The following CD163 variants were observed in gnomAD, a reference collection of about 807,000 sequenced individuals.
CD163 encodes scavenger receptor cysteine-rich type 1 protein M130.
Under a neutral mutation model 129.2 loss-of-function variants are expected in CD163, and 64 were observed. That is an observed-to-expected ratio of 0.50 (90% CI 0.41 to 0.61). CD163 has a LOEUF of 0.61. Among genes scored for constraint, CD163 ranks in the 20% least tolerant of loss-of-function variants. The probability of loss-of-function intolerance (pLI) is 0.00; values close to 1 mark genes in which losing one functional copy is unlikely to be tolerated. For synonymous variants in CD163, 446 were observed against 478.5 expected (o/e 0.93, Z 0.89); for missense variants, 1,061 against 1,377.9 (o/e 0.77, Z 3.64).
At chr12:7,480,048 A>T (rs1408941893) in intron 15 of CD163, 135 bp from the exon 16 acceptor site, 1 of 1,556,008 alleles carries the variant, frequency 6.4e-7, no homozygotes, top group African/African-American at 1.4e-5. Context: ...CTTCTCACGT[A>T]ACTGTGAGGC....
chr12:7,483,172 T>C (rs1949187462), intron 12 of CD163, 168 bp from the exon 13 acceptor site: 1 of 792,716 alleles, frequency 1.3e-6, no homozygotes, highest in Non-Finnish European at 2.0e-6. Flanking sequence ...GAATATAGGT[T>C]GTATGTGTCT....
At chr12:7,471,896 A>G (rs904190030) in intron 16 of CD163, 2 of 152,348 alleles carry the variant, frequency 1.3e-5, no homozygotes, top group African/African-American at 4.8e-5. Flanking sequence ...TCGGACAATC[A>G]AGCTTGGTCG....
chr12:7,475,468 A>G (rs988915790), intron 16 of CD163, among the ~76,000 whole-genome samples: 15 of 152,224 alleles, frequency 9.9e-5, no homozygotes, highest in African/African-American at 3.6e-4. Context: ...CATCATATAA[A>G]CAGAACAAAT....
At chr12:7,494,092 T>C (rs956540672) in intron 6 of CD163, among the ~76,000 whole-genome samples, 11 of 152,200 alleles carry the variant, frequency 7.2e-5, no homozygotes, top group Admixed American at 6.5e-4. Flanking sequence ...TATAGATTTG[T>C]TTGTATTTTC....
In CD163 at chr12:7,499,104, C is replaced by T. The variant is rs1949443253; in HGVS notation, c.542G>A (p.Gly181Glu). ...GTTGAAGTTATCATCACACACTGTTCCCCACCGTCCTTGGAATTTGATCTC... is the reference window on the plus strand; with the variant it reads ...GTTGAAGTTATCATCACACACTGTTTCCCACCGTCCTTGGAATTTGATCTC... ...RIEIKFQGRW[G>E]TVCDDNFNID... The change falls in exon 4 of 17, where the codon GGA becomes GAA. Residue 181 changes from glycine (G) to glutamate (E), a missense_variant. Gly to Glu is a moderately conservative substitution (Grantham distance 98). Transcript: ENST00000432237. 8 of 1,614,048 alleles carry T rather than the reference C, an allele frequency of 5.0e-6. No individual in the cohort carries two copies. The highest frequency in any genetic ancestry group is 5.9e-6 in the Non-Finnish European group (7 of 1,179,954).
At chr12:7,502,695 G>T (rs1336737290) in intron 1 of CD163, 131 bp from the exon 2 acceptor site, 1 of 672,638 alleles carries the variant, frequency 1.5e-6, no homozygotes, top group Non-Finnish European at 2.7e-6. Context: ...TAAATTGCAA[G>T]GCAGGCAGAA....
chr12:7,498,124 T>TACACAC (rs571405606), intron 4 of CD163, among the ~76,000 whole-genome samples: 39 of 148,842 alleles, frequency 2.6e-4, no homozygotes, highest in Middle Eastern at 3.4e-3. Flanking sequence ...TTCCTTTATT[T>TACACAC]ACACACACAC....
intron 1 of CD163, chr12:7,502,856 A>T (rs986581986): frequency 1.3e-5 from 7 of 551,188 alleles, no homozygotes; most frequent in Non-Finnish European, 1.9e-5. Context: ...AATGGAAACA[A>T]CATCAATGAA....
At chr12:7,494,742 G>A (rs1443605947) in intron 6 of CD163, among the ~76,000 whole-genome samples, 1 of 152,154 alleles carries the variant, frequency 6.6e-6, no homozygotes. Flanking sequence ...GGAGCTGAAG[G>A]TTATGTCAGT....
In CD163 at chr12:7,482,683, G is replaced by T. The variant is rs1296391490; in HGVS notation, c.3207C>A (p.Phe1069Leu). 2.5e-6 allele frequency: 4 copies of T among 1,613,996 alleles called. No homozygotes were observed. Among genetic ancestry groups the T allele is most frequent in the African/African-American group, 1.3e-5 (1 of 74,918 alleles). Reference protein sequence around the residue: ...VVLLAIFVALFFLTKKRRQRQ... With the variant: ...VVLLAIFVALLFLTKKRRQRQ... The stretch of plus-strand genomic sequence containing the variant: ...TCTGTCTTCGCTTTTTAGTCAAGAA[G>T]AATAATGCGACGAAAATGGCCAACA... Residue 1069 changes from phenylalanine to leucine, a missense_variant, in exon 14 of 17, where the codon TTC becomes TTA. Transcript: ENST00000432237.
chr12:7,485,412 G>C lies in CD163; in HGVS notation c.2463C>G (p.Phe821Leu). The C allele has an allele frequency of 6.2e-7, 1 of 1,609,770 alleles. No homozygotes were observed. The highest frequency in any genetic ancestry group is 8.5e-7 in the Non-Finnish European group (1 of 1,176,782). ...KEDAGVICSEFMSLRLTSEAS... is the reference protein window; with the variant it reads ...KEDAGVICSELMSLRLTSEAS... Reference sequence around the variant, plus strand: ...CTTCACTGGTCAGTCTCAGAGACATGAATTCTGCAGCGAAACATAGAATTA... The same window carrying C: ...CTTCACTGGTCAGTCTCAGAGACATCAATTCTGCAGCGAAACATAGAATTA... Residue 821 changes from phenylalanine (F) to leucine (L), a missense_variant, in exon 11 of 17, where the codon TTC (phenylalanine) becomes TTG (leucine). Coordinates refer to ENST00000432237, the MANE Select transcript of CD163 (RefSeq NM_203416.4). This position sits in a 1 kb window ranked among gnomAD's most constrained non-coding sequence, Gnocchi z 4.5.
At chr12:7,475,537 A>T (rs897450544) in intron 16 of CD163, among the ~76,000 whole-genome samples, 1 of 152,208 alleles carries the variant, frequency 6.6e-6, no homozygotes, top group Admixed American at 6.5e-5. Flanking sequence ...AAAATTCAAC[A>T]GTGCTTCATG....
At position 7,482,987 on chromosome 12, in the gene CD163, T is replaced by G. The variant is rs1949183867; in HGVS notation, c.3106A>C (p.Thr1036Pro). The G allele has an allele frequency of 6.2e-7, 1 of 1,613,414 alleles. No homozygotes were observed. Among genetic ancestry groups the G allele is most frequent in the Admixed American group, 1.7e-5 (1 of 59,948 alleles). Residue 1036 changes from threonine (T) to proline (P), a missense_variant, in exon 13 of 17, where the codon ACC (threonine) becomes CCC (proline). Physicochemically the swap from Thr to Pro is conservative, Grantham distance 38. Transcript: ENST00000432237. ...ATACCTGTTGTGGCTTTTTGTGGGG[T>G]TTTCTGCACTGAAATATCTGTAGGA... is the stretch of plus-strand genomic sequence containing the variant. Reference protein sequence around the residue: ...VNCTDISVQKTPQKATTGRSS... With the variant: ...VNCTDISVQKPPQKATTGRSS...
intron 6 of CD163, among the ~76,000 whole-genome samples, 167 bp downstream of exon 6, chr12:7,494,914 T>C (rs931949443): frequency 1.3e-5 from 2 of 152,246 alleles, no homozygotes; most frequent in African/African-American, 4.8e-5. Flanking sequence ...CTATCTAAAG[T>C]GCAACATGAA....
intron 2 of CD163, among the ~76,000 whole-genome samples, chr12:7,502,190 G>C (rs1253760614): frequency 6.6e-6 from 1 of 152,154 alleles, no homozygotes; most frequent in Non-Finnish European, 1.5e-5. Flanking sequence ...TAATGATTCT[G>C]AAGTTTCTCC....
At chr12:7,489,048 A>T (rs1949293731) in intron 6 of CD163, among the ~76,000 whole-genome samples, 1 of 152,234 alleles carries the variant, frequency 6.6e-6, no homozygotes, top group Non-Finnish European at 1.5e-5. Flanking sequence ...CTGATTTTAC[A>T]GACAGGGAAT....
intron 1 of CD163, among the ~76,000 whole-genome samples, chr12:7,503,425 C>T (rs1949520555): frequency 6.6e-6 from 1 of 152,134 alleles, no homozygotes; most frequent in Non-Finnish European, 1.5e-5. Context: ...GACTTAATTT[C>T]ACCTCAGCAG....
At chr12:7,476,769 A>C (rs1164590000) in intron 16 of CD163, among the ~76,000 whole-genome samples, 1 of 152,254 alleles carries the variant, frequency 6.6e-6, no homozygotes, top group Non-Finnish European at 1.5e-5. Flanking sequence ...GCTTCTACAC[A>C]GCAAAAGAAA....
intron 16 of CD163, among the ~76,000 whole-genome samples, chr12:7,477,751 G>C (rs1454446165): frequency 1.3e-5 from 2 of 152,006 alleles, no homozygotes; most frequent in Admixed American, 6.6e-5. Context: ...AGAACTTAAA[G>C]ATTAAAAACA....
Sources: allele counts gnomAD v4.1 joint callset (sites outside exome capture counted in the v4.1 genomes callset), GRCh38; gene constraint gnomAD v4.1.1; non-coding constraint Gnocchi (gnomAD v3.1); transcripts MANE v1.5; gene names NCBI Gene and HGNC (gene_info 2026-07-23, HGNC 2026-07-21).